MCPH1: variants seen among roughly 807,000 people sequenced by gnomAD.
MCPH1 encodes the protein microcephalin 1, also known as microcephalin.
MCPH1 carries 104 observed loss-of-function variants against 84.5 expected under a neutral mutation model. The ratio of observed to expected loss-of-function variants is 1.23; its 90% CI spans 1.05 to 1.45. The LOEUF is 1.45. Ranked by LOEUF, MCPH1 falls within the 40% of genes most tolerant of loss-of-function variation. The pLI, the probability that MCPH1 is intolerant of heterozygous loss-of-function variation, is 0.00. For missense variants in MCPH1, 1,498 were observed against 1,005.7 expected (o/e 1.49, Z -6.62); for synonymous variants, 514 against 366.8 (o/e 1.40, Z -4.58).
At chr8:6,412,973 A>T (rs980236168) in intron 2 of MCPH1, among the ~76,000 whole-genome samples, 11 of 152,236 alleles carry the variant, frequency 7.2e-5, no homozygotes, top group Non-Finnish European at 1.5e-4. Context: ...CTACTTTCAA[A>T]TCATCTGTTT....
rs182061673 is a variant in MCPH1 at position 6,451,261 on chromosome 8, C to G, written c.1826-3882C>G. 1.5e-3 allele frequency among the ~76,000 whole-genome samples: 229 copies of G among 152,300 alleles called. 1 individual carries two copies. The highest frequency in any genetic ancestry group is 5.3e-3 in the African/African-American group (222 of 41,562). On this transcript the variant is annotated intron_variant, in intron 8 of 13. Transcript: ENST00000344683. ...AGTCTTAACAGAAGGCTATTGACCA[C>G]TTAACTGTTTGGTTGATTCATTCAT...
At chr8:6,548,602 C>T (rs866834739) in intron 12 of MCPH1, among the ~76,000 whole-genome samples, 1 of 152,072 alleles carries the variant, frequency 6.6e-6, no homozygotes, top group African/African-American at 2.4e-5. Flanking sequence ...AGAAAGTACA[C>T]CTGATGGATT....
intron 11 of MCPH1, among the ~76,000 whole-genome samples, chr8:6,493,661 C>G (rs1388366187): frequency 1.3e-5 from 2 of 152,242 alleles, no homozygotes; most frequent in East Asian, 3.9e-4. Context: ...GGGTCTGGGT[C>G]TGCTCAGGCT....
At chr8:6,436,213 G>A in intron 5 of MCPH1, 51 bp downstream of exon 5, 1 of 1,581,950 alleles carries the variant, frequency 6.3e-7, no homozygotes, top group Non-Finnish European at 8.6e-7. Flanking sequence ...CATACACCTT[G>A]TTTAATTTGC....
At chr8:6,408,455 C>G (rs1052111282) in intron 1 of MCPH1, among the ~76,000 whole-genome samples, 1 of 152,146 alleles carries the variant, frequency 6.6e-6, no homozygotes, top group African/African-American at 2.4e-5. Flanking sequence ...TTCCTAGCCT[C>G]AAGCAATCCT....
chr8:6,623,985 G>T (rs1210948785), intron 13 of MCPH1, among the ~76,000 whole-genome samples: 1 of 152,218 alleles, frequency 6.6e-6, no homozygotes. Flanking sequence ...AGCGTGTGCC[G>T]TGCAGTGCCC....
intron 12 of MCPH1, among the ~76,000 whole-genome samples, chr8:6,597,833 C>T (rs544345399): frequency 6.6e-6 from 1 of 152,294 alleles, no homozygotes; most frequent in South Asian, 2.1e-4. Flanking sequence ...GGTCCTCTCC[C>T]TCATAAGCAC....
intron 3 of MCPH1, among the ~76,000 whole-genome samples, chr8:6,422,849 C>G (rs1054479365): frequency 1.3e-5 from 2 of 151,332 alleles, no homozygotes; most frequent in African/African-American, 4.9e-5. Context: ...CCACCACGCC[C>G]GGCTAATTTT....
chr8:6,417,789 T>G (rs1799530448), intron 3 of MCPH1, among the ~76,000 whole-genome samples: 1 of 152,212 alleles, frequency 6.6e-6, no homozygotes. Context: ...ATTTTGAGGT[T>G]GGTATCTGTT....
At chr8:6,552,731 C>T (rs1227393344) in intron 12 of MCPH1, among the ~76,000 whole-genome samples, 1 of 152,046 alleles carries the variant, frequency 6.6e-6, no homozygotes, top group Non-Finnish European at 1.5e-5. Flanking sequence ...AAAACTGGTA[C>T]CGTTTCTGAA....
chr8:6,508,244 G>C (rs1228039205), intron 12 of MCPH1: 1 of 152,386 alleles, frequency 6.6e-6, no homozygotes, highest in Non-Finnish European at 1.5e-5. Context: ...GAGGTCAGCA[G>C]TTCGAGACCA....
intron 12 of MCPH1, among the ~76,000 whole-genome samples, chr8:6,585,278 C>T (rs1315492922): frequency 1.3e-5 from 2 of 152,192 alleles, no homozygotes; most frequent in Admixed American, 6.5e-5. Flanking sequence ...GCATATTACA[C>T]GTGAAGCAGG....
intron 13 of MCPH1, among the ~76,000 whole-genome samples, chr8:6,638,232 G>A (rs1042800605): frequency 6.6e-6 from 1 of 152,222 alleles, no homozygotes; most frequent in Non-Finnish European, 1.5e-5. Flanking sequence ...GAGGCTGGGT[G>A]ACCACCGTCC....
intron 12 of MCPH1, among the ~76,000 whole-genome samples, chr8:6,517,995 A>T (rs1182268370): frequency 6.6e-6 from 1 of 152,204 alleles, no homozygotes; most frequent in Non-Finnish European, 1.5e-5. Context: ...TATAAATCCT[A>T]ATGTTTCCAA....
rs745762047 is a variant in MCPH1, at chr8:6,514,818, C to A, written c.2214+14889C>A. The A allele has an allele frequency of 1.4e-5, 22 of 1,556,048 alleles. No individual in the cohort carries two copies. The African/African-American group carries it at 2.9e-4, about 20-fold the overall frequency. Reference sequence around the variant, plus strand: ...GCAGGGTATAAGTGACAGAGCCCCCCCACTCCCCCCTTACGTAGCAGAAGC... The same window carrying A: ...GCAGGGTATAAGTGACAGAGCCCCCACACTCCCCCCTTACGTAGCAGAAGC... On this transcript the variant is annotated intron_variant, in intron 12 of 13. Coordinates refer to ENST00000344683, the MANE Select transcript of MCPH1 (RefSeq NM_024596.5).
At chr8:6,514,930 A>C in intron 12 of MCPH1, 3 of 606,012 alleles carry the variant, frequency 5.0e-6, no homozygotes, top group Non-Finnish European at 5.9e-6. Context: ...GGGTTGTCTA[A>C]GAAACAGATG....
intron 12 of MCPH1, among the ~76,000 whole-genome samples, chr8:6,518,699 C>A (rs934339718): frequency 6.6e-6 from 1 of 152,122 alleles, no homozygotes; most frequent in African/African-American, 2.4e-5. Flanking sequence ...AAAATTTCCA[C>A]TTTGGTACAG....
At chr8:6,511,740 C>G (rs1815144444) in intron 12 of MCPH1, among the ~76,000 whole-genome samples, 1 of 152,110 alleles carries the variant, frequency 6.6e-6, no homozygotes, top group Admixed American at 6.5e-5. Flanking sequence ...GTGTGTTTTT[C>G]TAAATGGCCT....
chr8:6,480,624 T>C, intron 10 of MCPH1, 90 bp from the exon 11 acceptor site: 1 of 1,479,700 alleles, frequency 6.8e-7, no homozygotes, highest in Non-Finnish European at 9.4e-7. Context: ...GGCTTTCTAG[T>C]TTTATTAGTA....
Sources: gnomAD v4.1 joint callset for allele counts (sites outside exome capture counted in the v4.1 genomes callset) on GRCh38, gnomAD v4.1.1 for gene constraint, MANE v1.5 for transcripts, NCBI Gene and HGNC (gene_info 2026-07-23, HGNC 2026-07-21) for gene names.